FGGY: variants seen among roughly 807,000 people sequenced by gnomAD.
FGGY encodes FGGY carbohydrate kinase domain containing.
FGGY carries 72 observed loss-of-function variants against 71.3 expected under a neutral mutation model. The ratio of observed to expected loss-of-function variants is 1.01; its 90% CI spans 0.84 to 1.23. The LOEUF (loss-of-function observed/expected upper bound fraction) is 1.23. Among genes scored for constraint, FGGY ranks in the 50% most tolerant of loss-of-function variants. The probability of loss-of-function intolerance (pLI) is 0.00; values close to 1 mark genes in which losing one functional copy is unlikely to be tolerated. For missense variants in FGGY, 668 were observed against 682.3 expected (o/e 0.98, Z 0.23); for synonymous variants, 251 against 250.3 (o/e 1.00, Z -0.02).
chr1:59,435,690 C>T (rs1177960986), intron 5 of FGGY, among the ~76,000 whole-genome samples: 2 of 151,886 alleles, frequency 1.3e-5, no homozygotes, highest in African/African-American at 2.4e-5. Flanking sequence ...AGATGGCCTA[C>T]TGGGTCACTT....
At chr1:59,564,591 T>C (rs1276143401) in intron 8 of FGGY, among the ~76,000 whole-genome samples, 1 of 152,170 alleles carries the variant, frequency 6.6e-6, no homozygotes, top group Non-Finnish European at 1.5e-5. Context: ...GAAATGCAAG[T>C]GAAAGACACA....
intron 7 of FGGY, among the ~76,000 whole-genome samples, chr1:59,544,432 G>T (rs2095491103): frequency 2.6e-5 from 4 of 152,100 alleles, no homozygotes; most frequent in Admixed American, 2.6e-4. Flanking sequence ...TACAGGGAGG[G>T]CACCTCTCAC....
intron 14 of FGGY, among the ~76,000 whole-genome samples, chr1:59,704,210 C>T (rs936367807): frequency 4.6e-5 from 7 of 152,040 alleles, no homozygotes; most frequent in African/African-American, 2.4e-5. Flanking sequence ...AGCAGAAGAG[C>T]GACCCAGCCC....
At chr1:59,340,644 G>C (rs2050478842) in intron 3 of FGGY, among the ~76,000 whole-genome samples, 1 of 152,092 alleles carries the variant, frequency 6.6e-6, no homozygotes, top group Admixed American at 6.5e-5. Flanking sequence ...GTGCTACTTG[G>C]GTCCACCATC....
intron 5 of FGGY, among the ~76,000 whole-genome samples, chr1:59,436,754 T>C (rs1351313055): frequency 6.6e-6 from 1 of 152,126 alleles, no homozygotes; most frequent in East Asian, 1.9e-4. Flanking sequence ...CTGGGTAAAG[T>C]TGAATGACGG....
intron 14 of FGGY, among the ~76,000 whole-genome samples, chr1:59,719,037 C>G (rs975026238): frequency 1.3e-5 from 2 of 152,176 alleles, no homozygotes; most frequent in Non-Finnish European, 2.9e-5. Flanking sequence ...CACCCAGGAT[C>G]CACCCTGCCA....
chr1:59,426,719 A>G (rs950718725), intron 5 of FGGY, among the ~76,000 whole-genome samples: 1 of 152,086 alleles, frequency 6.6e-6, no homozygotes, highest in Non-Finnish European at 1.5e-5. Flanking sequence ...CTTTTGCTCC[A>G]TGAAGTCAGG....
intron 9 of FGGY, among the ~76,000 whole-genome samples, chr1:59,619,073 T>G (rs2096784444): frequency 6.6e-6 from 1 of 152,144 alleles, no homozygotes; most frequent in East Asian, 1.9e-4. Context: ...TTTGTTGCAT[T>G]GTAGGTATAG....
At chr1:59,724,229 A>G (rs527914671) in intron 14 of FGGY, among the ~76,000 whole-genome samples, 3 of 151,864 alleles carry the variant, frequency 2.0e-5, no homozygotes, top group Non-Finnish European at 4.4e-5. Context: ...CTGTAATCCC[A>G]GCACTTTGGG....
intron 4 of FGGY, among the ~76,000 whole-genome samples, chr1:59,351,947 A>G (rs886142942): frequency 1.3e-5 from 2 of 152,168 alleles, no homozygotes; most frequent in African/African-American, 4.8e-5. Flanking sequence ...CTCTTGAACA[A>G]AGTCACCTGG....
intron 6 of FGGY, among the ~76,000 whole-genome samples, chr1:59,488,919 A>T (rs1198151394): frequency 6.6e-6 from 1 of 152,108 alleles, no homozygotes; most frequent in East Asian, 1.9e-4. Context: ...CCAACAGTCC[A>T]TAAGATTATA....
intron 6 of FGGY, among the ~76,000 whole-genome samples, chr1:59,477,136 G>A (rs1454729214): frequency 2.6e-5 from 4 of 152,118 alleles, no homozygotes; most frequent in Non-Finnish European, 5.9e-5. Flanking sequence ...TTCTTGAAAG[G>A]CAGCCATTCC....
At chr1:59,744,183 T>A (rs1422934804) in intron 14 of FGGY, among the ~76,000 whole-genome samples, 2 of 152,250 alleles carry the variant, frequency 1.3e-5, no homozygotes, top group African/African-American at 2.4e-5. Context: ...ATTTTACAGA[T>A]GAGTAAACTG....
chr1:59,594,201 C>T (rs1404252955), intron 8 of FGGY, among the ~76,000 whole-genome samples: 3 of 152,188 alleles, frequency 2.0e-5, no homozygotes, highest in Admixed American at 2.0e-4. Context: ...TCCCCTCTTC[C>T]AGCACCTTTG....
At chr1:59,407,378 G>C (rs762225898) in intron 5 of FGGY, among the ~76,000 whole-genome samples, 18 of 152,190 alleles carry the variant, frequency 1.2e-4, no homozygotes, top group Admixed American at 4.6e-4. Context: ...GAAAAGGGAG[G>C]AGGGGGTGGT....
chr1:59,685,320 A>G (rs1431426332), intron 14 of FGGY, among the ~76,000 whole-genome samples: 1 of 151,900 alleles, frequency 6.6e-6, no homozygotes, highest in Non-Finnish European at 1.5e-5. Context: ...GGCACAAGTG[A>G]CTCACCAGGG....
chr1:59,396,161 G>T (rs911164911), intron 5 of FGGY, among the ~76,000 whole-genome samples: 5 of 152,160 alleles, frequency 3.3e-5, no homozygotes. Flanking sequence ...GAATCTGATG[G>T]ATGCTAAAGT....
intron 14 of FGGY, among the ~76,000 whole-genome samples, chr1:59,696,971 G>A (rs2097665438): frequency 7.5e-6 from 1 of 133,498 alleles, no homozygotes; most frequent in South Asian, 2.5e-4. Context: ...TATGAAACAC[G>A]CAAATGTAAA....
chr1:59,716,653 T>A (rs1558888711), intron 14 of FGGY, among the ~76,000 whole-genome samples: 1 of 152,150 alleles, frequency 6.6e-6, no homozygotes, highest in Non-Finnish European at 1.5e-5. Context: ...ACAGCAGGCA[T>A]TTTAAAGTAA....
Sources: gnomAD v4.1 joint callset for allele counts (sites outside exome capture counted in the v4.1 genomes callset) on GRCh38, gnomAD v4.1.1 for gene constraint, MANE v1.5 for transcripts, NCBI Gene and HGNC (gene_info 2026-07-23, HGNC 2026-07-21) for gene names.